RBBP8NL: variants seen among roughly 807,000 people sequenced by gnomAD.
RBBP8NL encodes the protein RBBP8 N-terminal-like protein.
Under a neutral mutation model 62.2 loss-of-function variants are expected in RBBP8NL, and 59 were observed. The observed-to-expected ratio is 0.95, with a 90% confidence interval of 0.77 to 1.18. The LOEUF is 1.18. RBBP8NL is among the 50% of genes most tolerant of loss of function. The pLI is 0.00. For synonymous variants in RBBP8NL, 412 were observed against 394.1 expected (o/e 1.05, Z -0.54); for missense variants, 896 against 899.5 (o/e 1.00, Z 0.05).
chr20:62,419,368 C>A (rs1988650345), intron 2 of RBBP8NL, among the ~76,000 whole-genome samples: 1 of 152,144 alleles, frequency 6.6e-6, no homozygotes, highest in African/African-American at 2.4e-5. Flanking sequence ...CGAGGACATC[C>A]CCGCTTGAGG....
Position 62,415,577 on chromosome 20 carries a change from C to G in RBBP8NL, c.627+1G>C. 6.2e-7 allele frequency: 1 copy of G among 1,612,728 alleles called. No individual in the cohort carries two copies. The highest frequency in any genetic ancestry group is 8.5e-7 in the Non-Finnish European group (1 of 1,179,868). ...GGTGGGCTCCCGGTCCCTGCCCTTA[C>G]CATGTCTGGGGCTCGCGACTCAGGC... On this transcript the variant is annotated splice_donor_variant, in intron 8 of 13. Coordinates refer to ENST00000252998, the MANE Select transcript of RBBP8NL (RefSeq NM_080833.3). LOFTEE classifies it high-confidence loss of function.
At chr20:62,412,002 G>C (rs1988445199) in intron 13 of RBBP8NL, among the ~76,000 whole-genome samples, 1 of 152,244 alleles carries the variant, frequency 6.6e-6, no homozygotes, top group Non-Finnish European at 1.5e-5. Flanking sequence ...ACCCCAGCTG[G>C]AGCTGCCATT....
chr20:62,417,136 A>G, intron 4 of RBBP8NL, 88 bp downstream of exon 4: 1 of 1,020,004 alleles, frequency 9.8e-7, no homozygotes, highest in Non-Finnish European at 1.5e-6. Context: ...GGAGTTTCCC[A>G]AACTCATTCT....
intron 2 of RBBP8NL, among the ~76,000 whole-genome samples, 193 bp from the exon 3 acceptor site, chr20:62,418,658 C>T (rs993609252): frequency 6.6e-6 from 1 of 152,138 alleles, no homozygotes; most frequent in African/African-American, 2.4e-5. Context: ...CTCGGCCTAG[C>T]ATCTGTTGCT....
chr20:62,423,057 T>C (rs1054601645), intron 1 of RBBP8NL, among the ~76,000 whole-genome samples: 1 of 151,916 alleles, frequency 6.6e-6, no homozygotes, highest in Admixed American at 6.5e-5. Context: ...TCTTTGCTGG[T>C]GAAGGGGACC....
intron 11 of RBBP8NL, 76 bp downstream of exon 11, chr20:62,413,325 G>A: frequency 2.9e-6 from 4 of 1,364,678 alleles, no homozygotes; most frequent in Non-Finnish European, 2.8e-6. Context: ...ACTCCTGGTG[G>A]GCACTGACCA....
At chr20:62,412,077 G>A (rs1055291486) in intron 13 of RBBP8NL, among the ~76,000 whole-genome samples, 2 of 152,248 alleles carry the variant, frequency 1.3e-5, no homozygotes, top group Non-Finnish European at 2.9e-5. Context: ...GCTCCTGCCG[G>A]CATTACTGGG....
At chr20:62,417,669 C>G (rs1235126226) in intron 3 of RBBP8NL, among the ~76,000 whole-genome samples, 4 of 107,446 alleles carry the variant, frequency 3.7e-5, no homozygotes, top group African/African-American at 1.5e-4. Flanking sequence ...ACGCACCCCC[C>G]CCAGTCATCT....
At chr20:62,412,325 C>T (rs895540494) in intron 13 of RBBP8NL, among the ~76,000 whole-genome samples, 6 of 152,210 alleles carry the variant, frequency 3.9e-5, no homozygotes, top group Non-Finnish European at 7.3e-5. Flanking sequence ...CTCCTTCTCT[C>T]ACCGAAATCT....
chr20:62,415,972 G>A (rs1410671633), intron 6 of RBBP8NL, 27 bp from the exon 7 acceptor site: 25 of 1,503,534 alleles, frequency 1.7e-5, no homozygotes, highest in Non-Finnish European at 2.1e-5. Flanking sequence ...GACAGGGAGG[G>A]TGAGGGAGAG....
intron 9 of RBBP8NL, 33 bp downstream of exon 9, chr20:62,415,088 G>A (rs1988530083): frequency 1.4e-6 from 2 of 1,444,256 alleles, no homozygotes; most frequent in South Asian, 2.9e-5. Context: ...CTCATCTGAG[G>A]CTACTCTGGG....
intron 9 of RBBP8NL, 71 bp from the exon 10 acceptor site, chr20:62,414,627 G>C: frequency 7.2e-7 from 1 of 1,381,248 alleles, no homozygotes; most frequent in Non-Finnish European, 9.4e-7. Flanking sequence ...CCCTGAGAGG[G>C]AGAGACGACA....
At position 62,412,676 on chromosome 20, in the gene RBBP8NL, G is replaced by C. The variant is rs199665028; in HGVS notation, c.1824C>G (p.His608Gln). 18 of 1,608,476 alleles carry C rather than the reference G, an allele frequency of 1.1e-5. No individual in the cohort carries two copies. The Admixed American group carries it at 2.3e-4, about 21-fold the overall frequency. Residue 608 changes from histidine to glutamine, a missense_variant, in exon 13 of 14, where the codon CAC becomes CAG. Coordinates refer to ENST00000252998, the MANE Select transcript of RBBP8NL (RefSeq NM_080833.3). ...EGPECICTQEHGQGPPRKRKR... is the reference protein window; with the variant it reads ...EGPECICTQEQGQGPPRKRKR... Reference sequence around the variant, plus strand: ...TCCTCTTCCGTGGTGGACCCTGCCCGTGCTCCTGGGTGCAGATGCACTCAG... The same window carrying C: ...TCCTCTTCCGTGGTGGACCCTGCCCCTGCTCCTGGGTGCAGATGCACTCAG...
At chr20:62,414,983 C>T (rs1988528384) in intron 9 of RBBP8NL, 138 bp downstream of exon 9, 3 of 957,174 alleles carry the variant, frequency 3.1e-6, no homozygotes, top group East Asian at 2.9e-5. Context: ...AACTTTGCTC[C>T]AGGCTGGGTG....
intron 10 of RBBP8NL, 127 bp from the exon 11 acceptor site, chr20:62,413,672 T>C: frequency 2.1e-6 from 3 of 1,399,502 alleles, no homozygotes; most frequent in Non-Finnish European, 2.9e-6. Context: ...TTTCCCTTTA[T>C]AGTGTGGATG....
At chr20:62,418,490 G>A (rs1228240337) in intron 2 of RBBP8NL, 25 bp from the exon 3 acceptor site, 5 of 1,545,250 alleles carry the variant, frequency 3.2e-6, no homozygotes, top group Non-Finnish European at 4.4e-6. Context: ...AGAGGGGCGG[G>A]GGGTCAGGCC....
At chr20:62,417,959 G>C (rs1423588464) in intron 3 of RBBP8NL, among the ~76,000 whole-genome samples, 1 of 111,878 alleles carries the variant, frequency 8.9e-6, no homozygotes, top group Non-Finnish European at 1.7e-5. Context: ...GCTCCTCTGT[G>C]ACGTCTGTCC....
At chr20:62,411,920 G>A (rs1002389412) in intron 13 of RBBP8NL, among the ~76,000 whole-genome samples, 1 of 152,282 alleles carries the variant, frequency 6.6e-6, no homozygotes, top group African/African-American at 2.4e-5. Context: ...CCCGCCTGCT[G>A]CCTGCGGGCC....
Position 62,410,323 on chromosome 20 carries a change from T to G in RBBP8NL, c.*555A>C, listed in dbSNP as rs1052142466. 8 of 153,516 alleles carry G rather than the reference T, an allele frequency of 5.2e-5. No homozygotes were observed. Among genetic ancestry groups the G allele is most frequent in the African/African-American group, 1.9e-4 (8 of 41,482 alleles). The allele number at this position is 153,516 out of a possible 1,614,324, so 9.5% of individuals were successfully genotyped here. Reference sequence around the variant, plus strand: ...GCCCACTGTCTCCCTCCACCCTCACTGCCAGACATCTGTTTGCTGTCAGCC... The same window carrying G: ...GCCCACTGTCTCCCTCCACCCTCACGGCCAGACATCTGTTTGCTGTCAGCC... On this transcript the variant is annotated 3_prime_UTR_variant, in exon 14 of 14. Transcript: ENST00000252998.
Sources: allele counts gnomAD v4.1 joint callset (sites outside exome capture counted in the v4.1 genomes callset), GRCh38; gene constraint gnomAD v4.1.1; transcripts MANE v1.5; gene names NCBI Gene and HGNC (gene_info 2026-07-23, HGNC 2026-07-21).